Variants in SYT2 observed in about 807,000 individuals in gnomAD.
The protein encoded by SYT2 is synaptotagmin-2.
Under a neutral mutation model 39.9 loss-of-function variants are expected in SYT2, and 15 were observed. The ratio of observed to expected loss-of-function variants is 0.38; its 90% confidence interval spans 0.25 to 0.58. The LOEUF is 0.58. Among genes scored for constraint, SYT2 ranks in the 20% least tolerant of loss-of-function variants. The pLI, the probability that SYT2 is intolerant of heterozygous loss-of-function variation, is 0.70. For synonymous variants in SYT2, 181 were observed against 204.5 expected, an observed-to-expected ratio of 0.89 and a Z score of 0.98; for missense variants, 389 against 530.3, an observed-to-expected ratio of 0.73 and a Z score of 2.62.
intron 1 of SYT2, among the ~76,000 whole-genome samples, chr1:202,661,348 T>C (rs933492821): frequency 2.6e-5 from 4 of 151,880 alleles, no homozygotes; most frequent in African/African-American, 9.7e-5. Flanking sequence ...CTACTGGCTA[T>C]GCCAAGCAGA....
At chr1:202,616,000 C>T (rs572226359) in intron 1 of SYT2, among the ~76,000 whole-genome samples, 1 of 152,198 alleles carries the variant, frequency 6.6e-6, no homozygotes, top group African/African-American at 2.4e-5. Flanking sequence ...ACTGCTGAGC[C>T]CCCTGGTGAA....
At chr1:202,612,462 G>C (rs1249998514) in intron 1 of SYT2, among the ~76,000 whole-genome samples, 1 of 151,940 alleles carries the variant, frequency 6.6e-6, no homozygotes, top group Non-Finnish European at 1.5e-5. Context: ...TGACCTCCCG[G>C]GCTCAATTGA....
intron 1 of SYT2, among the ~76,000 whole-genome samples, chr1:202,688,641 T>C (rs1452867674): frequency 2.6e-5 from 4 of 152,184 alleles, no homozygotes; most frequent in Non-Finnish European, 5.9e-5. Flanking sequence ...ACATGAGACC[T>C]TGAAGAGAGA....
chr1:202,659,117 T>G (rs545188231), intron 1 of SYT2, among the ~76,000 whole-genome samples: 54 of 152,282 alleles, frequency 3.5e-4, no homozygotes, highest in Admixed American at 7.8e-4. Context: ...ATACCAAATC[T>G]GCTGCAGCAT....
At chr1:202,663,073 G>A (rs1572665206) in intron 1 of SYT2, among the ~76,000 whole-genome samples, 1 of 149,846 alleles carries the variant, frequency 6.7e-6, no homozygotes, top group African/African-American at 2.4e-5. Flanking sequence ...CTCTTTTCTG[G>A]AAGTTTTCCT....
intron 7 of SYT2, among the ~76,000 whole-genome samples, chr1:202,600,027 G>T (rs1247266931): frequency 6.6e-6 from 1 of 152,246 alleles, no homozygotes; most frequent in Non-Finnish European, 1.5e-5. Flanking sequence ...CTCGATTGTG[G>T]TGTCATGCTT....
At chr1:202,643,626 G>A (rs958222786) in intron 1 of SYT2, among the ~76,000 whole-genome samples, 6 of 152,234 alleles carry the variant, frequency 3.9e-5, no homozygotes, top group Non-Finnish European at 5.9e-5. Context: ...CTGCTGGGGA[G>A]GCTGCCTCCG....
chr1:202,704,840 C>G lies in SYT2; in HGVS notation c.-18+5418G>C, dbSNP rs3935310. Among the ~76,000 whole-genome samples the G allele has an allele frequency of 4.1e-3, 629 of 152,316 alleles. 2 individuals are homozygous for G. Among genetic ancestry groups the G allele is most frequent in the African/African-American group, 0.014 (584 of 41,568 alleles). Reference sequence around the variant, plus strand: ...TGTCCCATCATGCACTCAAGACTGCCCACCCTGGGGCCTCCCTCCTTGCTT... The same window carrying G: ...TGTCCCATCATGCACTCAAGACTGCGCACCCTGGGGCCTCCCTCCTTGCTT... On this transcript the variant is annotated intron_variant, in intron 1 of 8. Transcript: ENST00000367268.
At chr1:202,663,931 C>G (rs1427738508) in intron 1 of SYT2, among the ~76,000 whole-genome samples, 1 of 152,148 alleles carries the variant, frequency 6.6e-6, no homozygotes, top group Admixed American at 6.5e-5. Flanking sequence ...GTTCCTCCCC[C>G]AGATGTAAGG....
At chr1:202,693,946 C>T (rs972191820) in intron 1 of SYT2, among the ~76,000 whole-genome samples, 11 of 152,212 alleles carry the variant, frequency 7.2e-5, no homozygotes, top group African/African-American at 1.9e-4. Context: ...CAAGCAGGCA[C>T]ATCACATGGC....
At chr1:202,682,353 G>A (rs1423739425) in intron 1 of SYT2, among the ~76,000 whole-genome samples, 2 of 152,134 alleles carry the variant, frequency 1.3e-5, no homozygotes, top group African/African-American at 2.4e-5. Context: ...TACCATCTAC[G>A]TGGGCATAAA....
At chr1:202,600,234 G>A (rs1450850015) in intron 7 of SYT2, 123 bp downstream of exon 7, 10 of 800,724 alleles carry the variant, frequency 1.2e-5, no homozygotes, top group South Asian at 4.8e-5. Flanking sequence ...CCCGCTCCTC[G>A]AGGAGACATC....
chr1:202,640,200 G>A (rs529461559), intron 1 of SYT2, among the ~76,000 whole-genome samples: 2 of 152,134 alleles, frequency 1.3e-5, no homozygotes, highest in Non-Finnish European at 2.9e-5. Flanking sequence ...TCACGGGGCA[G>A]TGAACACCCA....
intron 1 of SYT2, among the ~76,000 whole-genome samples, chr1:202,615,935 G>C (rs144708827): frequency 1.3e-5 from 2 of 152,090 alleles, no homozygotes; most frequent in African/African-American, 4.8e-5. Context: ...CTGGCAAAGC[G>C]CCAGCCCTGG....
intron 1 of SYT2, among the ~76,000 whole-genome samples, chr1:202,708,386 TCTC>T (rs1020456389): frequency 6.6e-6 from 1 of 151,810 alleles, no homozygotes. Flanking sequence ...TCTGCCTCCC[TCTC>T]CTCCTCCTTT....
At chr1:202,682,911 A>T (rs1653563145) in intron 1 of SYT2, among the ~76,000 whole-genome samples, 1 of 152,218 alleles carries the variant, frequency 6.6e-6, no homozygotes, top group Non-Finnish European at 1.5e-5. Flanking sequence ...AATAAGAAGA[A>T]GATGACCTAG....
chr1:202,702,501 C>T (rs1236717676), intron 1 of SYT2, among the ~76,000 whole-genome samples: 2 of 152,228 alleles, frequency 1.3e-5, no homozygotes, highest in African/African-American at 4.8e-5. Context: ...TAGCCACAGC[C>T]ACCCTTGAGT....
intron 1 of SYT2, among the ~76,000 whole-genome samples, chr1:202,708,674 G>GAC (rs1202711192): frequency 6.6e-6 from 1 of 152,110 alleles, no homozygotes; most frequent in South Asian, 2.1e-4. Flanking sequence ...CCAGGGCCCT[G>GAC]ACACACGCTG....
At chr1:202,644,436 T>C (rs1692030479) in intron 1 of SYT2, among the ~76,000 whole-genome samples, 1 of 150,886 alleles carries the variant, frequency 6.6e-6, no homozygotes, top group Admixed American at 6.6e-5. Flanking sequence ...TGCCTCAGTG[T>C]CACCCTTGGG....
Sources: gnomAD v4.1 joint callset for allele counts (sites outside exome capture counted in the v4.1 genomes callset) on GRCh38, gnomAD v4.1.1 for gene constraint, MANE v1.5 for transcripts, NCBI Gene and HGNC (gene_info 2026-07-23, HGNC 2026-07-21) for gene names.